Variants in MAML2 observed in about 807,000 individuals in gnomAD.
MAML2 encodes mastermind-like protein 2.
In MAML2, 22 loss-of-function variants were observed where a neutral mutation model predicts 96.1. That is an observed-to-expected ratio of 0.23 (90% CI 0.16 to 0.33). MAML2 has a LOEUF of 0.33. Among genes scored for constraint, MAML2 ranks in the 10% least tolerant of loss-of-function variants. The pLI is 1.00. For missense variants in MAML2, 1,367 were observed against 1,392.4 expected, an observed-to-expected ratio of 0.98 and a Z score of 0.29; for synonymous variants, 561 against 521.3, an observed-to-expected ratio of 1.08 and a Z score of -1.04.
At chr11:96,322,560 C>T (rs528171685) in intron 1 of MAML2, among the ~76,000 whole-genome samples, 1 of 151,964 alleles carries the variant, frequency 6.6e-6, no homozygotes, top group East Asian at 1.9e-4. Context: ...GGCGTAGTGG[C>T]GGGCGCCTGT....
chr11:96,200,245 C>T (rs1321573515), intron 1 of MAML2, among the ~76,000 whole-genome samples: 2 of 152,166 alleles, frequency 1.3e-5, no homozygotes, highest in Non-Finnish European at 2.9e-5. Flanking sequence ...CTCATTAACA[C>T]TCTTAATGTT....
chr11:96,304,287 G>A (rs1194481742), intron 1 of MAML2, among the ~76,000 whole-genome samples: 1 of 152,168 alleles, frequency 6.6e-6, no homozygotes, highest in Admixed American at 6.5e-5. Context: ...CCAGGAAAGA[G>A]CCTAAACTCC....
rs656437 is a variant in MAML2, at chr11:96,037,214, T to A, written c.2140-45491A>T. 2.2e-4 allele frequency among the ~76,000 whole-genome samples: 33 copies of A among 151,550 alleles called. No homozygotes were observed. In the South Asian group the frequency reaches 6.2e-3, roughly 29 times the overall value. On this transcript the variant is annotated intron_variant, in intron 2 of 4. Transcript: ENST00000524717. ...AAAAAAACAACAACAACAAAAAAAA[T>A]AACTCTGGCTTTGCAGTTTCCCTGC...
intron 2 of MAML2, among the ~76,000 whole-genome samples, chr11:96,069,278 TTTCTC>T (rs1479654861): frequency 6.6e-6 from 1 of 152,074 alleles, no homozygotes; most frequent in African/African-American, 2.4e-5. Flanking sequence ...CTCTCTTTCT[TTTCTC>T]TTTCTTTGTC....
intron 1 of MAML2, among the ~76,000 whole-genome samples, chr11:96,211,830 A>G (rs571700361): frequency 2.0e-5 from 3 of 152,218 alleles, no homozygotes; most frequent in Non-Finnish European, 4.4e-5. Context: ...GAAGATCAAC[A>G]AAGATAAAAT....
chr11:96,110,849 A>T (rs1018526034), intron 1 of MAML2, among the ~76,000 whole-genome samples: 10 of 152,342 alleles, frequency 6.6e-5, no homozygotes, highest in Admixed American at 5.2e-4. Flanking sequence ...ATCCTATTTG[A>T]TCTTGATAAC....
chr11:96,054,779 C>T (rs1175257643), intron 2 of MAML2, among the ~76,000 whole-genome samples: 1 of 152,084 alleles, frequency 6.6e-6, no homozygotes, highest in Non-Finnish European at 1.5e-5. Context: ...TGCACTGATT[C>T]TGTTTGTTCT....
At chr11:96,060,638 G>A (rs1256377756) in intron 2 of MAML2, among the ~76,000 whole-genome samples, 3 of 152,242 alleles carry the variant, frequency 2.0e-5, no homozygotes, top group African/African-American at 7.2e-5. Context: ...GCACACTTCT[G>A]TGAGTACAAA....
intron 1 of MAML2, among the ~76,000 whole-genome samples, chr11:96,284,735 GA>G (rs1043896157): frequency 6.6e-6 from 1 of 152,152 alleles, no homozygotes; most frequent in African/African-American, 2.4e-5. Context: ...ATTGATGAAA[GA>G]AAAATATGAA....
intron 1 of MAML2, among the ~76,000 whole-genome samples, chr11:96,240,317 G>A (rs1237968691): frequency 2.0e-5 from 3 of 151,952 alleles, no homozygotes; most frequent in Non-Finnish European, 2.9e-5. Flanking sequence ...TTGGGAGGCC[G>A]AGGCGGGTGG....
At chr11:96,251,271 G>A (rs1292206317) in intron 1 of MAML2, among the ~76,000 whole-genome samples, 1 of 152,214 alleles carries the variant, frequency 6.6e-6, no homozygotes, top group Non-Finnish European at 1.5e-5. Flanking sequence ...CATGGAGGTA[G>A]CTGTGTTTCA....
At chr11:96,185,932 C>CA (rs1169428808) in intron 1 of MAML2, among the ~76,000 whole-genome samples, 1 of 152,146 alleles carries the variant, frequency 6.6e-6, no homozygotes, top group African/African-American at 2.4e-5. Flanking sequence ...AGATCCACAG[C>CA]ATAGGTACCA....
intron 2 of MAML2, among the ~76,000 whole-genome samples, chr11:96,024,776 T>G (rs1209055181): frequency 6.6e-6 from 1 of 152,132 alleles, no homozygotes; most frequent in Non-Finnish European, 1.5e-5. Flanking sequence ...ACTGTGGATA[T>G]TTTGTGCAGG....
chr11:96,210,504 A>G (rs1861955325), intron 1 of MAML2, among the ~76,000 whole-genome samples: 1 of 152,224 alleles, frequency 6.6e-6, no homozygotes. Context: ...TGAGATACCT[A>G]AAAGGTATTC....
intron 1 of MAML2, among the ~76,000 whole-genome samples, chr11:96,163,862 C>CTTT (rs67666403): frequency 4.9e-5 from 6 of 122,316 alleles, no homozygotes; most frequent in African/African-American, 1.8e-4. Context: ...TTCTCTCTTT[C>CTTT]TTTTTTTTTT....
At chr11:96,291,115 C>CTTTTTTTTTT (rs58889757) in intron 1 of MAML2, among the ~76,000 whole-genome samples, 1 of 69,026 alleles carries the variant, frequency 1.4e-5, no homozygotes, top group African/African-American at 6.0e-5. Flanking sequence ...TTTCACAAGC[C>CTTTTTTTTTT]TTTTTTTTTT....
chr11:96,144,670 A>C (rs1246276087), intron 1 of MAML2, among the ~76,000 whole-genome samples: 1 of 152,220 alleles, frequency 6.6e-6, no homozygotes, highest in African/African-American at 2.4e-5. Flanking sequence ...ATTGAGAATA[A>C]TAGAAACAGT....
At chr11:96,212,398 G>C (rs1861986343) in intron 1 of MAML2, among the ~76,000 whole-genome samples, 1 of 151,606 alleles carries the variant, frequency 6.6e-6, no homozygotes, top group South Asian at 2.1e-4. Flanking sequence ...CACATTTAAG[G>C]GTTTACCCAG....
intron 2 of MAML2, among the ~76,000 whole-genome samples, chr11:96,030,535 T>C (rs1858596400): frequency 6.6e-6 from 1 of 152,192 alleles, no homozygotes; most frequent in Non-Finnish European, 1.5e-5. Context: ...TGACAACTGT[T>C]CATCCAAATG....
Sources: gnomAD v4.1 joint callset for allele counts (sites outside exome capture counted in the v4.1 genomes callset) on GRCh38, gnomAD v4.1.1 for gene constraint, MANE v1.5 for transcripts, NCBI Gene and HGNC (gene_info 2026-07-23, HGNC 2026-07-21) for gene names.